ST3GAL5: variants seen among roughly 807,000 people sequenced by gnomAD.
The protein encoded by ST3GAL5 is lactosylceramide alpha-2,3-sialyltransferase.
A neutral mutation model predicts 46.1 loss-of-function variants in ST3GAL5; 25 were observed. The observed-to-expected ratio is 0.54, with a 90% CI of 0.40 to 0.76. The LOEUF (loss-of-function observed/expected upper bound fraction) is 0.76, where lower values mean the gene tolerates loss of function less well. Among genes scored for constraint, ST3GAL5 ranks in the 30% least tolerant of loss-of-function variants. ST3GAL5 has a pLI of 0.00. For missense variants in ST3GAL5, 431 were observed against 521.2 expected (o/e 0.83, Z 1.69); for synonymous variants, 182 against 192.7 (o/e 0.94, Z 0.46).
At chr2:85,868,462 G>A (rs944358315) in intron 1 of ST3GAL5, among the ~76,000 whole-genome samples, 4 of 148,566 alleles carry the variant, frequency 2.7e-5, no homozygotes, top group African/African-American at 9.9e-5. Flanking sequence ...CCACCATGCC[G>A]AGTTAATTTT....
In ST3GAL5 at chr2:85,839,946, T is replaced by C. The variant is rs1681807177; in HGVS notation, c.*198A>G. 1 of 650,318 alleles carries C rather than the reference T, an allele frequency of 1.5e-6. No individual in the cohort carries two copies. The highest frequency in any genetic ancestry group is 2.6e-6 in the Non-Finnish European group (1 of 383,950). 40.3% of individuals were successfully genotyped at this position (650,318 alleles called of 1,614,324 possible). A position where few individuals can be genotyped will look rare whatever the true frequency, so the allele number is the denominator to read the frequency against. ...CTTAAGTTTCATTTACAAAATGGTG[T>C]GCAAAAACAAACACTGACCTCAAAT... On this transcript the variant is annotated 3_prime_UTR_variant, in exon 7 of 7. Coordinates refer to ENST00000638572, the MANE Select transcript of ST3GAL5 (RefSeq NM_003896.4).
chr2:85,853,898 C>T (rs1353038126), intron 3 of ST3GAL5: 1 of 152,128 alleles, frequency 6.6e-6, no homozygotes, highest in African/African-American at 2.4e-5. Context: ...CTGTCAGGAC[C>T]GTTTTGAAAA....
chr2:85,884,127 A>G (rs6720161), intron 1 of ST3GAL5, among the ~76,000 whole-genome samples: 84,176 of 151,996 alleles, frequency 0.55, 23,786 homozygotes, highest in East Asian at 0.68. Context: ...CTGTTCCTCA[A>G]TACCCTCCTT....
intron 1 of ST3GAL5, among the ~76,000 whole-genome samples, chr2:85,864,920 C>T (rs527671112): frequency 6.6e-6 from 1 of 152,308 alleles, no homozygotes; most frequent in Admixed American, 6.5e-5. Flanking sequence ...CAAGGTGCTT[C>T]CCTTGGCATA....
At chr2:85,858,442 C>T (rs527933164) in intron 3 of ST3GAL5, among the ~76,000 whole-genome samples, 1 of 152,302 alleles carries the variant, frequency 6.6e-6, no homozygotes, top group Admixed American at 6.5e-5. Flanking sequence ...TCCTGAGTAG[C>T]TGGGATTACA....
chr2:85,867,633 G>A (rs748740707), intron 1 of ST3GAL5: 24 of 780,984 alleles, frequency 3.1e-5, no homozygotes, highest in East Asian at 9.7e-5. Context: ...GGGTGGCGGC[G>A]AGACAGGATA....
chr2:85,883,284 G>A (rs1214745370), intron 1 of ST3GAL5, among the ~76,000 whole-genome samples: 2 of 152,152 alleles, frequency 1.3e-5, no homozygotes, highest in African/African-American at 2.4e-5. Context: ...TAGTGAATAA[G>A]TCTCATGAGA....
intron 5 of ST3GAL5, chr2:85,845,354 T>C (rs950341877): frequency 6.6e-6 from 1 of 152,394 alleles, no homozygotes; most frequent in African/African-American, 2.4e-5. Flanking sequence ...GATTTTTATA[T>C]GCTTTTGAAT....
chr2:85,871,853 A>C (rs562841629), intron 1 of ST3GAL5, among the ~76,000 whole-genome samples: 9 of 152,360 alleles, frequency 5.9e-5, no homozygotes, highest in Admixed American at 5.2e-4. Context: ...AGACGGTTAT[A>C]AACAAAAATC....
At chr2:85,881,159 C>T (rs1245296539) in intron 1 of ST3GAL5, among the ~76,000 whole-genome samples, 1 of 152,188 alleles carries the variant, frequency 6.6e-6, no homozygotes, top group African/African-American at 2.4e-5. Flanking sequence ...CTTGCTGCTG[C>T]CATGTAAGAA....
intron 3 of ST3GAL5, 40 bp from the exon 4 acceptor site, chr2:85,848,244 C>A (rs1683054652): frequency 3.1e-6 from 5 of 1,613,292 alleles, no homozygotes; most frequent in Admixed American, 3.3e-5. Flanking sequence ...TAAAAACTCT[C>A]CTGCATTAAA....
intron 3 of ST3GAL5, among the ~76,000 whole-genome samples, chr2:85,859,037 G>A (rs914485160): frequency 2.6e-5 from 4 of 152,292 alleles, no homozygotes; most frequent in African/African-American, 9.6e-5. Flanking sequence ...ACAGGCAGCC[G>A]GGGCACAGGT....
chr2:85,878,840 T>A (rs900611275), intron 1 of ST3GAL5, among the ~76,000 whole-genome samples: 16 of 152,018 alleles, frequency 1.1e-4, no homozygotes, highest in African/African-American at 3.1e-4. Context: ...ACAGGCTCCA[T>A]CAGAGGAAAT....
chr2:85,864,804 A>G (rs887605492), intron 1 of ST3GAL5, among the ~76,000 whole-genome samples: 2 of 152,196 alleles, frequency 1.3e-5, no homozygotes, highest in African/African-American at 4.8e-5. Context: ...AGTGGGGCAT[A>G]GTACCTCCCA....
chr2:85,888,801 G>A (rs1688065392), intron 1 of ST3GAL5, 23 bp downstream of exon 1: 3 of 1,199,752 alleles, frequency 2.5e-6, no homozygotes, highest in Admixed American at 4.5e-5. Flanking sequence ...CCGCGACGCC[G>A]AGGAGGGGGC....
intron 1 of ST3GAL5, among the ~76,000 whole-genome samples, chr2:85,886,146 C>T (rs1687729784): frequency 2.0e-5 from 3 of 152,122 alleles, no homozygotes; most frequent in African/African-American, 7.2e-5. Flanking sequence ...ATACACTAGC[C>T]AGCCAGGCGC....
intron 3 of ST3GAL5, among the ~76,000 whole-genome samples, chr2:85,860,716 T>C (rs1207770897): frequency 6.7e-6 from 1 of 149,336 alleles, no homozygotes; most frequent in Non-Finnish European, 1.5e-5. Context: ...CCACAAAAAA[T>C]AAAAAAATTA....
At chr2:85,867,588 G>A (rs773243386) in intron 1 of ST3GAL5, 21 of 781,004 alleles carry the variant, frequency 2.7e-5, no homozygotes, top group South Asian at 1.9e-4. Context: ...AGAAAGAAAC[G>A]TGTGATGGGG....
At chr2:85,841,280 A>T (rs1427725931) in intron 6 of ST3GAL5, among the ~76,000 whole-genome samples, 1 of 151,754 alleles carries the variant, frequency 6.6e-6, no homozygotes, top group Non-Finnish European at 1.5e-5. Flanking sequence ...CCATTTCCCT[A>T]TGTAGAGCTG....
Sources: gnomAD v4.1 joint callset for allele counts (sites outside exome capture counted in the v4.1 genomes callset) on GRCh38, gnomAD v4.1.1 for gene constraint, MANE v1.5 for transcripts, NCBI Gene and HGNC (gene_info 2026-07-23, HGNC 2026-07-21) for gene names.